Variants in KLF12 observed in about 807,000 individuals in gnomAD.
KLF12 encodes KLF transcription factor 12, also known as Krueppel-like factor 12.
A neutral mutation model predicts 37.8 loss-of-function variants in KLF12; 9 were observed. The observed-to-expected ratio is 0.24, with a 90% CI of 0.14 to 0.42. The LOEUF is 0.42. Among genes scored for constraint, KLF12 ranks in the 10% least tolerant of loss-of-function variants. KLF12 has a pLI of 1.00. For synonymous variants in KLF12, 208 were observed against 202.1 expected (o/e 1.03, Z -0.25); for missense variants, 411 against 516.0 (o/e 0.80, Z 1.97).
chr13:73,936,277 G>A (rs1023405263), intron 3 of KLF12, among the ~76,000 whole-genome samples: 9 of 152,136 alleles, frequency 5.9e-5, no homozygotes, highest in African/African-American at 7.2e-5. Context: ...AGATCAGTTC[G>A]GTCCTTTCAA....
intron 3 of KLF12, among the ~76,000 whole-genome samples, chr13:73,935,029 T>C (rs1889865508): frequency 6.6e-6 from 1 of 151,880 alleles, no homozygotes; most frequent in Non-Finnish European, 1.5e-5. Context: ...ATCCAGACTG[T>C]AGAGCAGTGG....
At chr13:74,290,990 C>G in the KLF12 span, among the ~76,000 whole-genome samples, 1 of 152,180 alleles carries the variant, frequency 6.6e-6, no homozygotes, top group Non-Finnish European at 1.5e-5. Context: ...ACTGGCCTAA[C>G]TGAAAACAAA....
chr13:74,071,038 C>T (rs1418622332), intron 1 of KLF12, among the ~76,000 whole-genome samples: 1 of 152,146 alleles, frequency 6.6e-6, no homozygotes, highest in African/African-American at 2.4e-5. Context: ...ATTACCTTTA[C>T]AGAACTGTGA....
At chr13:74,256,188 G>T in the KLF12 span, among the ~76,000 whole-genome samples, 4 of 151,120 alleles carry the variant, frequency 2.6e-5, no homozygotes, top group South Asian at 8.3e-4. Context: ...GGAATGAACT[G>T]CTTCAAGGCT....
chr13:74,269,559 T>A, the KLF12 span, among the ~76,000 whole-genome samples: 2 of 152,174 alleles, frequency 1.3e-5, no homozygotes, highest in South Asian at 2.1e-4. Context: ...GTAAAAAAAA[T>A]GTGTTTTAAT....
intron 1 of KLF12, among the ~76,000 whole-genome samples, chr13:74,113,526 G>A (rs1413919411): frequency 6.6e-6 from 1 of 152,166 alleles, no homozygotes; most frequent in Non-Finnish European, 1.5e-5. Flanking sequence ...ACAAAGCCTG[G>A]ATAATGGCAC....
chr13:73,979,847 G>T (rs954112810), intron 2 of KLF12, among the ~76,000 whole-genome samples: 3 of 152,054 alleles, frequency 2.0e-5, no homozygotes, highest in African/African-American at 7.2e-5. Flanking sequence ...TTCAGAAGAG[G>T]TAATTATGAT....
the KLF12 span, among the ~76,000 whole-genome samples, chr13:74,193,500 A>G: frequency 6.6e-6 from 1 of 152,170 alleles, no homozygotes; most frequent in South Asian, 2.1e-4. Flanking sequence ...TCTACAGCCC[A>G]CACTTCCATT....
At chr13:74,121,860 ATT>A (rs1456819112) in intron 1 of KLF12, among the ~76,000 whole-genome samples, 10 of 152,070 alleles carry the variant, frequency 6.6e-5, no homozygotes, top group Non-Finnish European at 1.3e-4. Context: ...TGAAATTTAT[ATT>A]CTCTGGAAAA....
intron 1 of KLF12, among the ~76,000 whole-genome samples, chr13:74,110,116 T>C (rs577895476): frequency 6.6e-6 from 1 of 152,342 alleles, no homozygotes; most frequent in East Asian, 1.9e-4. Context: ...CACATGTTTC[T>C]CTGTAGGCTT....
the KLF12 span, among the ~76,000 whole-genome samples, chr13:74,238,982 GC>G: frequency 6.7e-6 from 1 of 149,882 alleles, no homozygotes; most frequent in African/African-American, 2.5e-5. Context: ...CCTTCTGCTA[GC>G]TTTTGAATGT....
At chr13:73,923,641 C>T (rs1338970104) in intron 3 of KLF12, among the ~76,000 whole-genome samples, 1 of 152,096 alleles carries the variant, frequency 6.6e-6, no homozygotes, top group East Asian at 1.9e-4. Context: ...TCACAGTCCC[C>T]AGAAGCCCAA....
At chr13:73,818,912 A>G (rs180774813) in intron 4 of KLF12, among the ~76,000 whole-genome samples, 2 of 152,244 alleles carry the variant, frequency 1.3e-5, no homozygotes, top group East Asian at 3.9e-4. Context: ...AGGCTGAAAC[A>G]TGTCCCAGTT....
At chr13:73,971,227 T>G (rs1419934322) in intron 2 of KLF12, among the ~76,000 whole-genome samples, 1 of 152,194 alleles carries the variant, frequency 6.6e-6, no homozygotes, top group Non-Finnish European at 1.5e-5. Context: ...TGCCAGAGAC[T>G]TTTAATAAGC....
At chr13:73,819,555 G>A (rs1883411714) in intron 4 of KLF12, among the ~76,000 whole-genome samples, 1 of 146,512 alleles carries the variant, frequency 6.8e-6, no homozygotes, top group Non-Finnish European at 1.5e-5. Flanking sequence ...CACCTACGAG[G>A]TAGCAAGCAG....
At chr13:73,835,234 G>A (rs144736710) in intron 4 of KLF12, among the ~76,000 whole-genome samples, 52 of 152,114 alleles carry the variant, frequency 3.4e-4, no homozygotes, top group Middle Eastern at 3.4e-3. Context: ...GGGAAAATCC[G>A]GGGGCATGGA....
chr13:74,037,160 G>A (rs780891454), intron 1 of KLF12, among the ~76,000 whole-genome samples: 5 of 140,370 alleles, frequency 3.6e-5, no homozygotes, highest in East Asian at 2.1e-4. Flanking sequence ...CCGAGATCAC[G>A]CCATTGCACT....
At chr13:73,801,039 G>T (rs1237220357) in intron 5 of KLF12, 1 of 152,084 alleles carries the variant, frequency 6.6e-6, no homozygotes, top group Non-Finnish European at 1.5e-5. Flanking sequence ...TTGTAAAGGA[G>T]ATGGCAAAAT....
rs190291368 is a variant in KLF12 at position 74,060,003 on chromosome 13, T to C, written c.-31-64950A>G. Among the ~76,000 whole-genome samples the C allele has an allele frequency of 1.1e-4, 16 of 152,308 alleles. No individual in the cohort carries two copies. The East Asian group carries it at 3.1e-3, about 29-fold the overall frequency. ...AAGCCAGCCATTTTCCTAGCACCAT[T>C]TGTTGAATAGAGTGCCACTTCCCCA... On this transcript the variant is annotated intron_variant, in intron 1 of 7. Coordinates refer to ENST00000377669, the MANE Select transcript of KLF12 (RefSeq NM_007249.5).
Sources: allele counts gnomAD v4.1 joint callset (sites outside exome capture counted in the v4.1 genomes callset), GRCh38; gene constraint gnomAD v4.1.1; transcripts MANE v1.5; gene names NCBI Gene and HGNC (gene_info 2026-07-23, HGNC 2026-07-21).